The following CNTN5 variants were observed in gnomAD, a reference collection of about 807,000 sequenced individuals.
CNTN5 encodes the protein contactin-5.
Under a neutral mutation model 129.1 loss-of-function variants are expected in CNTN5, and 77 were observed. That is an observed-to-expected ratio of 0.60 (90% CI 0.50 to 0.72). CNTN5 has a LOEUF of 0.72. CNTN5 is among the 30% of genes least tolerant of loss of function. The pLI is 0.00. For synonymous variants in CNTN5, 509 were observed against 465.6 expected, an observed-to-expected ratio of 1.09 and a Z score of -1.20; for missense variants, 1,478 against 1,328.8, an observed-to-expected ratio of 1.11 and a Z score of -1.75.
chr11:100,021,488 C>T (rs1480824079), intron 9 of CNTN5, among the ~76,000 whole-genome samples: 1 of 152,154 alleles, frequency 6.6e-6, no homozygotes, highest in East Asian at 1.9e-4. Context: ...TATTTTGAAT[C>T]TCTATTATAT....
At chr11:99,624,497 C>T (rs1297151534) in intron 3 of CNTN5, among the ~76,000 whole-genome samples, 1 of 152,030 alleles carries the variant, frequency 6.6e-6, no homozygotes, top group Non-Finnish European at 1.5e-5. Flanking sequence ...TCCTCCTTAT[C>T]AGATGAGGTG....
chr11:100,326,877 A>G (rs950910790), intron 21 of CNTN5, among the ~76,000 whole-genome samples: 5 of 152,224 alleles, frequency 3.3e-5, no homozygotes, highest in Admixed American at 2.0e-4. Flanking sequence ...AAGAGCTTTC[A>G]GTCACTGGGC....
intron 1 of CNTN5, among the ~76,000 whole-genome samples, chr11:99,239,642 A>G (rs1861439844): frequency 6.6e-6 from 1 of 152,148 alleles, no homozygotes; most frequent in South Asian, 2.1e-4. Context: ...GAAGTCTCAA[A>G]AAGTCACATA....
intron 2 of CNTN5, among the ~76,000 whole-genome samples, chr11:99,392,806 A>G (rs752629119): frequency 6.6e-6 from 1 of 151,948 alleles, no homozygotes; most frequent in Non-Finnish European, 1.5e-5. Flanking sequence ...AAGAAAGAAT[A>G]AAGACATATT....
At chr11:99,889,403 A>C (rs1220704539) in intron 6 of CNTN5, among the ~76,000 whole-genome samples, 6 of 151,134 alleles carry the variant, frequency 4.0e-5, no homozygotes, top group Non-Finnish European at 8.8e-5. Flanking sequence ...AATTATGAGA[A>C]AGTAAAATAC....
chr11:99,450,495 T>C (rs1190731419), intron 2 of CNTN5, among the ~76,000 whole-genome samples: 4 of 152,074 alleles, frequency 2.6e-5, no homozygotes, highest in African/African-American at 9.7e-5. Flanking sequence ...AAGATGATAA[T>C]CTTAAATCTT....
rs1335094470 is a variant in CNTN5 at position 99,734,077 on chromosome 11, A to G, written c.56-85467A>G. ...TTCCAAAGAAGTATACATGGCCACTATCTTCAGCTGCCTTTTAGGAGAGAA... is the reference window on the plus strand; with the variant it reads ...TTCCAAAGAAGTATACATGGCCACTGTCTTCAGCTGCCTTTTAGGAGAGAA... On this transcript the variant is annotated intron_variant, in intron 3 of 24. Transcript: ENST00000524871. Among the ~76,000 whole-genome samples the G allele has an allele frequency of 2.9e-4, 44 of 152,186 alleles. 1 individual carries two copies. Among genetic ancestry groups the G allele is most frequent in the Admixed American group, 2.8e-3 (43 of 15,282 alleles).
intron 1 of CNTN5, among the ~76,000 whole-genome samples, chr11:99,112,086 C>A (rs956715933): frequency 6.6e-6 from 1 of 151,908 alleles, no homozygotes; most frequent in African/African-American, 2.4e-5. Context: ...AAGAAAGTAT[C>A]AAATATTTTA....
chr11:100,355,166 A>G (rs1286549591), intron 24 of CNTN5, among the ~76,000 whole-genome samples: 2 of 151,796 alleles, frequency 1.3e-5, no homozygotes, highest in Admixed American at 6.6e-5. Flanking sequence ...TTTTCTTTAT[A>G]TCTGTATTCT....
intron 3 of CNTN5, among the ~76,000 whole-genome samples, chr11:99,787,437 A>G (rs888948320): frequency 1.1e-4 from 17 of 151,716 alleles, no homozygotes; most frequent in Admixed American, 9.9e-4. Flanking sequence ...ATAATATTAA[A>G]CTTATATTTT....
chr11:99,034,322 T>C (rs1044617163), intron 1 of CNTN5, among the ~76,000 whole-genome samples: 7 of 152,028 alleles, frequency 4.6e-5, no homozygotes, highest in African/African-American at 1.7e-4. Context: ...TTCTATTGAT[T>C]GGAATAGTTT....
intron 6 of CNTN5, among the ~76,000 whole-genome samples, chr11:99,871,515 C>T (rs772908513): frequency 6.6e-6 from 1 of 151,944 alleles, no homozygotes; most frequent in South Asian, 2.1e-4. Flanking sequence ...ATGATGATAA[C>T]AAACACAAAG....
intron 9 of CNTN5, among the ~76,000 whole-genome samples, chr11:100,056,903 A>G (rs1943252071): frequency 6.6e-6 from 1 of 151,764 alleles, no homozygotes; most frequent in Non-Finnish European, 1.5e-5. Flanking sequence ...CTGAATGACA[A>G]CTAACAAAAG....
intron 1 of CNTN5, among the ~76,000 whole-genome samples, chr11:99,242,893 C>G (rs970494932): frequency 6.6e-6 from 1 of 152,074 alleles, no homozygotes; most frequent in Admixed American, 6.5e-5. Flanking sequence ...TATAAGTGGG[C>G]ATCTAGGTTG....
chr11:99,026,624 C>T (rs993970880), intron 1 of CNTN5, among the ~76,000 whole-genome samples: 1 of 151,460 alleles, frequency 6.6e-6, no homozygotes, highest in African/African-American at 2.4e-5. Flanking sequence ...GAAAAAGTGA[C>T]AGAATAAATA....
At chr11:100,040,075 CT>C (rs991520677) in intron 9 of CNTN5, among the ~76,000 whole-genome samples, 21 of 151,634 alleles carry the variant, frequency 1.4e-4, no homozygotes, top group Middle Eastern at 3.4e-3. Context: ...TTTTTCTGCT[CT>C]TTTTTTTTCC....
chr11:100,148,820 G>C (rs556988773), intron 13 of CNTN5, among the ~76,000 whole-genome samples: 58 of 151,360 alleles, frequency 3.8e-4, no homozygotes, highest in Middle Eastern at 3.4e-3. Context: ...CTTATCTTGC[G>C]GTGTAAATAT....
intron 3 of CNTN5, among the ~76,000 whole-genome samples, chr11:99,762,647 C>A (rs575265414): frequency 6.6e-6 from 1 of 152,138 alleles, no homozygotes; most frequent in East Asian, 1.9e-4. Flanking sequence ...GTACCAGTAC[C>A]ATGCTGTTTT....
chr11:99,914,498 A>G (rs1949739020), intron 6 of CNTN5, among the ~76,000 whole-genome samples: 1 of 152,112 alleles, frequency 6.6e-6, no homozygotes, highest in South Asian at 2.1e-4. Flanking sequence ...GACAAGCATA[A>G]TATTTGGTAA....
Sources: gnomAD v4.1 joint callset for allele counts (sites outside exome capture counted in the v4.1 genomes callset) on GRCh38, gnomAD v4.1.1 for gene constraint, MANE v1.5 for transcripts, NCBI Gene and HGNC (gene_info 2026-07-23, HGNC 2026-07-21) for gene names.